NFILZ: variants seen among roughly 807,000 people sequenced by gnomAD.
NFILZ encodes NFIL3 like basic leucine zipper.
intron 3 of NFILZ, among the ~76,000 whole-genome samples, chr19:8,659,743 T>A (rs554900594): frequency 6.6e-6 from 1 of 152,218 alleles, no homozygotes; most frequent in Non-Finnish European, 1.5e-5. Flanking sequence ...CCCAGAGGTG[T>A]CACAGGCTCC....
chr19:8,651,084 T>G (rs1025460302), intron 3 of NFILZ, among the ~76,000 whole-genome samples: 1 of 152,230 alleles, frequency 6.6e-6, no homozygotes, highest in African/African-American at 2.4e-5. Context: ...TCAGGGTAAT[T>G]GTGACGTCCA....
Position 8,680,800 on chromosome 19 carries a change from A to T in NFILZ, c.*3165A>T, listed in dbSNP as rs960154330. ...ACATTTGAACAGAGACTTGAGAGAG[A>T]TGAAGGGGGGAGTCATGCATGTATC... On this transcript the variant is annotated 3_prime_UTR_variant, in exon 6 of 6. Transcript: ENST00000691075. Among the ~76,000 whole-genome samples the T allele has an allele frequency of 6.6e-6, 1 of 152,092 alleles. No homozygotes were observed. Among genetic ancestry groups the T allele is most frequent in the Non-Finnish European group, 1.5e-5 (1 of 68,032 alleles).
intron 3 of NFILZ, among the ~76,000 whole-genome samples, chr19:8,673,062 G>C (rs2043095694): frequency 6.6e-6 from 1 of 152,160 alleles, no homozygotes; most frequent in Non-Finnish European, 1.5e-5. Context: ...ATGCAACTGT[G>C]GAGGAGCGAT....
In NFILZ at chr19:8,678,004, A is replaced by G. The variant is rs1410652338; in HGVS notation, c.*369A>G. Among the ~76,000 whole-genome samples, 1 of 149,384 alleles carries G rather than the reference A, an allele frequency of 6.7e-6. No homozygotes were observed. The highest frequency in any genetic ancestry group is 6.7e-5 in the Admixed American group (1 of 14,948). The stretch of plus-strand genomic sequence containing the variant: ...TTCATCAATCCTTATCCATCCATCC[A>G]TTAGTCCCTCCATCCTTATCCATCT... On this transcript the variant is annotated 3_prime_UTR_variant, in exon 6 of 6. Coordinates refer to ENST00000691075, the MANE Select transcript of NFILZ (RefSeq NM_001378600.1).
At chr19:8,649,044 C>T (rs1555747464) in intron 3 of NFILZ, among the ~76,000 whole-genome samples, 1 of 151,868 alleles carries the variant, frequency 6.6e-6, no homozygotes, top group Non-Finnish European at 1.5e-5. Flanking sequence ...TTCACTGCAG[C>T]CTTAGACTCC....
Position 8,680,656 on chromosome 19 carries a change from T to C in NFILZ, c.*3021T>C, listed in dbSNP as rs535645747. On this transcript the variant is annotated 3_prime_UTR_variant, in exon 6 of 6. Transcript: ENST00000691075. ...GAAAAACATATAGTAGGATCAATGA[T>C]GATACGTGTCATGGAGAAAAAAGGG... Among the ~76,000 whole-genome samples, 1 of 152,262 alleles carries C rather than the reference T, an allele frequency of 6.6e-6. No homozygotes were observed. The highest frequency in any genetic ancestry group is 1.9e-4 in the East Asian group (1 of 5,186).
chr19:8,644,036 C>T (rs1432485524), intron 3 of NFILZ, among the ~76,000 whole-genome samples: 2 of 152,202 alleles, frequency 1.3e-5, no homozygotes, highest in South Asian at 2.1e-4. Flanking sequence ...TTGTTCCACC[C>T]CAAATGCACG....
chr19:8,640,316 G>GTTTTGTTTTTTT (rs1491470055), intron 3 of NFILZ, among the ~76,000 whole-genome samples: 1 of 124,238 alleles, frequency 8.0e-6, no homozygotes, highest in African/African-American at 3.0e-5. Flanking sequence ...TCCTGCTGTA[G>GTTTTGTTTTTTT]TTTTTTTTTT....
chr19:8,654,861 C>G (rs1016292924), intron 3 of NFILZ, among the ~76,000 whole-genome samples: 1 of 152,104 alleles, frequency 6.6e-6, no homozygotes, highest in Admixed American at 6.5e-5. Flanking sequence ...TCGGCCTCCT[C>G]CCTCATCGCA....
chr19:8,648,919 T>C (rs1327529639), intron 3 of NFILZ, among the ~76,000 whole-genome samples: 1 of 152,124 alleles, frequency 6.6e-6, no homozygotes, highest in Non-Finnish European at 1.5e-5. Context: ...TATCTTTTCT[T>C]TCAAGGCCCT....
At chr19:8,650,646 T>C in intron 3 of NFILZ, among the ~76,000 whole-genome samples, 1 of 138,628 alleles carries the variant, frequency 7.2e-6, no homozygotes. Flanking sequence ...GGAGTGAGAT[T>C]CTGTCTCAAA....
At chr19:8,647,815 A>G (rs1403118852) in intron 3 of NFILZ, among the ~76,000 whole-genome samples, 2 of 142,118 alleles carry the variant, frequency 1.4e-5, no homozygotes, top group Admixed American at 6.9e-5. Flanking sequence ...ACACACACAC[A>G]CACACACACA....
rs543307474 is a variant in NFILZ at position 8,680,271 on chromosome 19, C to T, written c.*2636C>T. 7.9e-5 allele frequency among the ~76,000 whole-genome samples: 12 copies of T among 151,536 alleles called. No homozygotes were observed. Among genetic ancestry groups the T allele is most frequent in the South Asian group, 2.1e-4 (1 of 4,784 alleles). ...CTTTGCCCACCAAGGAGCTCAGGGC[C>T]GAGCTTGTGGCTCAGCTATAACAGC... On this transcript the variant is annotated 3_prime_UTR_variant, in exon 6 of 6. Coordinates refer to ENST00000691075, the MANE Select transcript of NFILZ (RefSeq NM_001378600.1).
chr19:8,673,577 A>G (rs971470721), intron 3 of NFILZ, among the ~76,000 whole-genome samples: 2 of 152,096 alleles, frequency 1.3e-5, no homozygotes, highest in Non-Finnish European at 2.9e-5. Context: ...TGGGTTCTGG[A>G]GTCTCCCCAG....
chr19:8,663,750 G>GTGTGTGTGTATGTGTGTA (rs1555749459), intron 3 of NFILZ, among the ~76,000 whole-genome samples: 13 of 136,968 alleles, frequency 9.5e-5, no homozygotes, highest in Non-Finnish European at 1.4e-4. Flanking sequence ...GTGTGTGTGT[G>GTGTGTGTGTATGTGTGTA]TGTGTGTGTG....
At chr19:8,637,684 A>C (rs2042900845) in intron 3 of NFILZ, among the ~76,000 whole-genome samples, 1 of 151,376 alleles carries the variant, frequency 6.6e-6, no homozygotes, top group African/African-American at 2.4e-5. Context: ...AGGCATGTGG[A>C]TCACCTGAGG....
intron 3 of NFILZ, among the ~76,000 whole-genome samples, chr19:8,638,844 G>C (rs1600139315): frequency 7.4e-6 from 1 of 135,604 alleles, no homozygotes; most frequent in Admixed American, 7.5e-5. Flanking sequence ...TTACTTTGCT[G>C]TTTTTTTTTT....
At chr19:8,674,203 C>T (rs782101838) in intron 3 of NFILZ, among the ~76,000 whole-genome samples, 2 of 152,194 alleles carry the variant, frequency 1.3e-5, no homozygotes, top group Non-Finnish European at 2.9e-5. Context: ...AGCACATGAG[C>T]AGATCACATG....
At chr19:8,661,304 A>G (rs1384647286) in intron 3 of NFILZ, among the ~76,000 whole-genome samples, 1 of 151,650 alleles carries the variant, frequency 6.6e-6, no homozygotes, top group Non-Finnish European at 1.5e-5. Context: ...TTGGAACTAC[A>G]GGCATGCACC....
Sources: allele counts gnomAD v4.1 joint callset (sites outside exome capture counted in the v4.1 genomes callset), GRCh38; gene constraint gnomAD v4.1.1; transcripts MANE v1.5; gene names NCBI Gene and HGNC (gene_info 2026-07-23, HGNC 2026-07-21).